Variants in WDR89 observed in about 807,000 individuals in gnomAD.
WDR89 encodes the protein WD repeat-containing protein 89.
A neutral mutation model predicts 29.1 loss-of-function variants in WDR89; 17 were observed. That is an observed-to-expected ratio of 0.58 (90% confidence interval 0.40 to 0.88). The LOEUF (loss-of-function observed/expected upper bound fraction) is 0.88, where lower values mean the gene tolerates loss of function less well. Among genes scored for constraint, WDR89 ranks in the 40% least tolerant of loss-of-function variants. The probability of loss-of-function intolerance (pLI) is 0.00; values close to 1 mark genes in which losing one functional copy is unlikely to be tolerated. For missense variants in WDR89, 396 were observed against 456.3 expected (o/e 0.87, Z 1.20); for synonymous variants, 138 against 157.8 (o/e 0.87, Z 0.94).
intron 1 of WDR89, among the ~76,000 whole-genome samples, chr14:63,636,600 G>C (rs1047312603): frequency 2.0e-5 from 3 of 152,144 alleles, no homozygotes; most frequent in Non-Finnish European, 4.4e-5. Context: ...AGAGAACCCA[G>C]AAATAAACCC....
chr14:63,628,094 G>A (rs749303036), intron 1 of WDR89, among the ~76,000 whole-genome samples: 11 of 152,054 alleles, frequency 7.2e-5, no homozygotes, highest in Non-Finnish European at 1.3e-4. Flanking sequence ...AAAATCAGCC[G>A]AACGTGGTGG....
intron 2 of WDR89, among the ~76,000 whole-genome samples, chr14:63,605,464 CTT>C (rs748916368): frequency 1.4e-5 from 2 of 145,470 alleles, no homozygotes; most frequent in Admixed American, 7.0e-5. Context: ...CAATACTATA[CTT>C]TTTTTTTTTT....
chr14:63,627,670 TG>T (rs1357249405), intron 1 of WDR89, among the ~76,000 whole-genome samples: 11 of 152,172 alleles, frequency 7.2e-5, no homozygotes, highest in African/African-American at 2.7e-4. Flanking sequence ...ATAAAGCAAG[TG>T]GCTTTTTCTG....
At chr14:63,622,440 G>A (rs1008776956) in intron 2 of WDR89, among the ~76,000 whole-genome samples, 1 of 152,170 alleles carries the variant, frequency 6.6e-6, no homozygotes, top group African/African-American at 2.4e-5. Context: ...AATTAACTGG[G>A]CGTGGTGGCA....
At chr14:63,625,859 C>CT (rs60153501) in intron 1 of WDR89, among the ~76,000 whole-genome samples, 6,867 of 142,762 alleles carry the variant, frequency 0.048, 477 homozygotes, top group African/African-American at 0.16. Context: ...TAGAAGAGGA[C>CT]TTTTTTTTTT....
At chr14:63,623,859 C>A (rs1882868666) in intron 2 of WDR89, among the ~76,000 whole-genome samples, 1 of 151,488 alleles carries the variant, frequency 6.6e-6, no homozygotes, top group South Asian at 2.1e-4. Context: ...TGAAAGAAAC[C>A]CATTTTAAAC....
intron 1 of WDR89, among the ~76,000 whole-genome samples, chr14:63,628,132 G>C (rs1057176950): frequency 5.9e-5 from 9 of 152,146 alleles, no homozygotes; most frequent in African/African-American, 1.9e-4. Context: ...AGCTACTTGG[G>C]GGAGCTGAAG....
chr14:63,635,613 G>C (rs1033038197), intron 1 of WDR89, among the ~76,000 whole-genome samples: 8 of 152,146 alleles, frequency 5.3e-5, no homozygotes, highest in African/African-American at 9.7e-5. Context: ...ATGTACTACT[G>C]GAAGTCCTAG....
At chr14:63,624,881 T>A (rs1006679519) in intron 2 of WDR89, 47 bp downstream of exon 2, 3 of 152,216 alleles carry the variant, frequency 2.0e-5, no homozygotes, top group South Asian at 2.1e-4. Flanking sequence ...TACAGCCACT[T>A]TGGAAACTGG....
At chr14:63,636,584 C>A (rs1883753695) in intron 1 of WDR89, among the ~76,000 whole-genome samples, 2 of 152,154 alleles carry the variant, frequency 1.3e-5, no homozygotes, top group Non-Finnish European at 1.5e-5. Flanking sequence ...ACCAATGGAA[C>A]AGAATAGAGA....
At chr14:63,632,360 A>G (rs61984047) in intron 1 of WDR89, among the ~76,000 whole-genome samples, 25,815 of 151,754 alleles carry the variant, frequency 0.17, 4,358 homozygotes, top group African/African-American at 0.44. Context: ...GCCGGGCGTG[A>G]TGGCTCCTGC....
intron 2 of WDR89, among the ~76,000 whole-genome samples, chr14:63,613,219 C>A (rs968877107): frequency 6.6e-6 from 1 of 152,204 alleles, no homozygotes; most frequent in Middle Eastern, 3.4e-3. Context: ...CTACATTTGG[C>A]TGCATCAGTC....
intron 2 of WDR89, among the ~76,000 whole-genome samples, chr14:63,605,205 T>TACACACAC (rs778938395): frequency 7.8e-6 from 1 of 128,078 alleles, no homozygotes; most frequent in African/African-American, 4.1e-5. Flanking sequence ...CATATATACA[T>TACACACAC]ACACATACAC....
intron 1 of WDR89, among the ~76,000 whole-genome samples, chr14:63,639,863 T>A (rs1409009165): frequency 1.3e-5 from 2 of 152,162 alleles, no homozygotes; most frequent in African/African-American, 4.8e-5. Context: ...TCGTGTGTAA[T>A]CCCTGCCACT....
intron 1 of WDR89, among the ~76,000 whole-genome samples, chr14:63,628,555 G>A (rs188428236): frequency 2.2e-4 from 33 of 152,358 alleles, no homozygotes; most frequent in African/African-American, 7.5e-4. Context: ...AGACCCTAGA[G>A]ATGTAACATT....
intron 2 of WDR89, among the ~76,000 whole-genome samples, chr14:63,608,666 GCACACACACA>G (rs57605983): frequency 1.4e-5 from 2 of 144,670 alleles, no homozygotes; most frequent in East Asian, 2.0e-4. Context: ...TGTGGTGCAT[GCACACACACA>G]CACACACACA....
At chr14:63,605,022 C>T (rs920633816) in intron 2 of WDR89, among the ~76,000 whole-genome samples, 3 of 151,998 alleles carry the variant, frequency 2.0e-5, no homozygotes, top group Non-Finnish European at 4.4e-5. Flanking sequence ...TGGTGGTGCA[C>T]GCCTATAGTC....
At chr14:63,626,913 G>C (rs1157245860) in intron 1 of WDR89, among the ~76,000 whole-genome samples, 1 of 151,778 alleles carries the variant, frequency 6.6e-6, no homozygotes, top group Non-Finnish European at 1.5e-5. Flanking sequence ...GAGACCAGGA[G>C]TCTGAGACCA....
In WDR89 at chr14:63,607,656, C is replaced by A. The variant is rs555457627; in HGVS notation, c.-31-7683G>T. On this transcript the variant is annotated intron_variant, in intron 2 of 2. Transcript: ENST00000620954. ...CAGCACTTTGGGAGGCCGAGGCAGG[C>A]AGATCACCTGAGGTCAGGAGTTCGA... 2.6e-5 allele frequency among the ~76,000 whole-genome samples: 4 copies of A among 151,798 alleles called. No homozygotes were observed. The South Asian group carries it at 8.3e-4, about 32-fold the overall frequency.
Sources: gnomAD v4.1 joint callset for allele counts (sites outside exome capture counted in the v4.1 genomes callset) on GRCh38, gnomAD v4.1.1 for gene constraint, MANE v1.5 for transcripts, NCBI Gene and HGNC (gene_info 2026-07-23, HGNC 2026-07-21) for gene names.